The following SPAG16 variants were observed in gnomAD, a reference collection of about 807,000 sequenced individuals.
SPAG16 encodes sperm-associated antigen 16 protein.
SPAG16 carries 86 observed loss-of-function variants against 80.4 expected under a neutral mutation model. The observed-to-expected ratio is 1.07, with a 90% confidence interval of 0.90 to 1.28. The LOEUF (loss-of-function observed/expected upper bound fraction) is 1.28. SPAG16 is among the 50% of genes most tolerant of loss of function. The pLI is 0.00. For synonymous variants in SPAG16, 294 were observed against 265.9 expected, an observed-to-expected ratio of 1.11 and a Z score of -1.03; for missense variants, 870 against 765.3, an observed-to-expected ratio of 1.14 and a Z score of -1.61.
chr2:214,121,475 C>T (rs571300920), intron 14 of SPAG16, among the ~76,000 whole-genome samples: 195 of 151,884 alleles, frequency 1.3e-3, no homozygotes, highest in Middle Eastern at 3.4e-3. Flanking sequence ...TGGTACTTTT[C>T]GGATTCTGGC....
chr2:213,881,291 A>T (rs1178811825), intron 11 of SPAG16, among the ~76,000 whole-genome samples: 1 of 152,172 alleles, frequency 6.6e-6, no homozygotes, highest in East Asian at 1.9e-4. Context: ...TAGGAATGCT[A>T]CTGATTTTTA....
intron 15 of SPAG16, among the ~76,000 whole-genome samples, chr2:214,360,845 A>G (rs563924267): frequency 1.1e-4 from 17 of 151,996 alleles, no homozygotes; most frequent in East Asian, 3.9e-4. Context: ...ATAAGCGTCA[A>G]TGGTTGAAGC....
At chr2:213,574,676 T>C (rs1244676837) in intron 10 of SPAG16, among the ~76,000 whole-genome samples, 1 of 147,898 alleles carries the variant, frequency 6.8e-6, no homozygotes, top group Non-Finnish European at 1.5e-5. Context: ...GATATATATA[T>C]GATATATGAT....
At chr2:213,735,620 T>G (rs1005536648) in intron 10 of SPAG16, among the ~76,000 whole-genome samples, 8 of 152,152 alleles carry the variant, frequency 5.3e-5, no homozygotes, top group African/African-American at 1.9e-4. Flanking sequence ...GGGGCCAGTG[T>G]GGAAGTGATA....
At chr2:213,985,475 G>T (rs185424539) in intron 12 of SPAG16, among the ~76,000 whole-genome samples, 155 of 152,162 alleles carry the variant, frequency 1.0e-3, no homozygotes, top group African/African-American at 3.6e-3. Flanking sequence ...TATTTGCAAA[G>T]ATAAATCTAA....
intron 12 of SPAG16, among the ~76,000 whole-genome samples, chr2:213,998,213 C>T: frequency 6.6e-6 from 1 of 152,096 alleles, no homozygotes; most frequent in East Asian, 1.9e-4. Flanking sequence ...GGGTTAAATA[C>T]TGGGAAGTGA....
chr2:213,598,031 A>G (rs1574440093), intron 10 of SPAG16, among the ~76,000 whole-genome samples: 2 of 152,050 alleles, frequency 1.3e-5, no homozygotes, highest in African/African-American at 2.4e-5. Context: ...TAAAAAGACC[A>G]CCTTTGCTAG....
chr2:213,648,184 ACT>A (rs1231410507), intron 10 of SPAG16, among the ~76,000 whole-genome samples: 1 of 152,182 alleles, frequency 6.6e-6, no homozygotes, highest in Non-Finnish European at 1.5e-5. Context: ...GAAAGATGAA[ACT>A]CTAGGAATAG....
intron 10 of SPAG16, among the ~76,000 whole-genome samples, chr2:213,630,170 G>A (rs1166053291): frequency 2.0e-5 from 3 of 152,160 alleles, no homozygotes; most frequent in Non-Finnish European, 2.9e-5. Context: ...GATCACATCA[G>A]GTCAGGAGTT....
intron 10 of SPAG16, among the ~76,000 whole-genome samples, chr2:213,781,083 A>G (rs2069932901): frequency 6.6e-6 from 1 of 152,198 alleles, no homozygotes; most frequent in Admixed American, 6.5e-5. Context: ...GAGTTACATT[A>G]CAGACATTAT....
At chr2:213,492,286 G>C (rs538563792) in intron 10 of SPAG16, among the ~76,000 whole-genome samples, 117 of 152,298 alleles carry the variant, frequency 7.7e-4, no homozygotes, top group African/African-American at 2.7e-3. Context: ...GGGTGTGGTG[G>C]CTCACGCCTG....
intron 9 of SPAG16, among the ~76,000 whole-genome samples, chr2:213,483,265 T>C (rs1481034996): frequency 6.6e-6 from 1 of 152,202 alleles, no homozygotes; most frequent in Non-Finnish European, 1.5e-5. Flanking sequence ...AAACTTTATA[T>C]GTAGATCTTA....
intron 12 of SPAG16, among the ~76,000 whole-genome samples, chr2:213,976,766 T>A (rs1268239777): frequency 6.6e-6 from 1 of 152,120 alleles, no homozygotes; most frequent in African/African-American, 2.4e-5. Context: ...ACCTTCATTC[T>A]TCAGCCACAA....
At chr2:214,005,811 C>A (rs987858666) in intron 12 of SPAG16, among the ~76,000 whole-genome samples, 2 of 152,100 alleles carry the variant, frequency 1.3e-5, no homozygotes, top group South Asian at 4.1e-4. Context: ...GTGCAAAATT[C>A]TTGTGAATTT....
chr2:213,407,183 G>C (rs2068657329), intron 9 of SPAG16, among the ~76,000 whole-genome samples: 1 of 152,110 alleles, frequency 6.6e-6, no homozygotes, highest in Non-Finnish European at 1.5e-5. Context: ...AGTGTGAGTG[G>C]GTCCTCTTTG....
At position 214,108,261 on chromosome 2, in the gene SPAG16, G is replaced by A; in HGVS notation, c.1593G>A (p.Arg531=). The A allele has an allele frequency of 1.9e-6, 3 of 1,599,394 alleles. No individual in the cohort carries two copies. The highest frequency in any genetic ancestry group is 8.6e-7 in the Non-Finnish European group (1 of 1,169,508). ...HSINDAIFDP[R]GHMIASCDAC... is the part of the protein sequence containing the mutation. ...TCAATGATGCCATTTTTGATCCCAG[G>A]GTAAGTTCAGTTCTCCCAGTAAACT... The change falls in exon 14 of 16, where the codon AGG becomes AGA. Residue 531 remains arginine (R), a splice_region_variant and synonymous_variant. Coordinates refer to ENST00000331683, the MANE Select transcript of SPAG16 (RefSeq NM_024532.5).
At chr2:214,261,547 G>T (rs1423325023) in intron 15 of SPAG16, among the ~76,000 whole-genome samples, 1 of 152,190 alleles carries the variant, frequency 6.6e-6, no homozygotes, top group African/African-American at 2.4e-5. Context: ...GATAGGAATT[G>T]AGGGGGAGGA....
At chr2:213,699,841 T>C (rs943750145) in intron 10 of SPAG16, among the ~76,000 whole-genome samples, 1 of 152,200 alleles carries the variant, frequency 6.6e-6, no homozygotes, top group African/African-American at 2.4e-5. Context: ...TGCTGTTTGA[T>C]TACATTTGTC....
intron 11 of SPAG16, among the ~76,000 whole-genome samples, chr2:213,880,979 G>T (rs989738629): frequency 1.3e-5 from 2 of 152,040 alleles, no homozygotes; most frequent in African/African-American, 4.8e-5. Context: ...ATGAATTTTT[G>T]AATAGTTTTT....
Sources: allele counts gnomAD v4.1 joint callset (sites outside exome capture counted in the v4.1 genomes callset), GRCh38; gene constraint gnomAD v4.1.1; transcripts MANE v1.5; gene names NCBI Gene and HGNC (gene_info 2026-07-23, HGNC 2026-07-21).